The following UBASH3A variants were observed in gnomAD, a reference collection of about 807,000 sequenced individuals.
The protein encoded by UBASH3A is ubiquitin associated and SH3 domain containing A.
Under a neutral mutation model 73.5 loss-of-function variants are expected in UBASH3A, and 63 were observed. The observed-to-expected ratio is 0.86, with a 90% CI of 0.70 to 1.06. UBASH3A has a LOEUF of 1.06. UBASH3A is among the 50% of genes least tolerant of loss of function. The pLI, the probability that UBASH3A is intolerant of heterozygous loss-of-function variation, is 0.00. For missense variants in UBASH3A, 860 were observed against 859.0 expected (o/e 1.00, Z -0.02); for synonymous variants, 363 against 351.1 (o/e 1.03, Z -0.38).
chr21:42,412,229 G>A (rs1280805963), intron 3 of UBASH3A, among the ~76,000 whole-genome samples: 1 of 152,166 alleles, frequency 6.6e-6, no homozygotes. Flanking sequence ...GGGGGTGGGA[G>A]CCCCGTGGGC....
chr21:42,436,554 G>A (rs994713986), intron 10 of UBASH3A, among the ~76,000 whole-genome samples: 1 of 152,186 alleles, frequency 6.6e-6, no homozygotes, highest in East Asian at 1.9e-4. Flanking sequence ...TGATTGAGGT[G>A]CATACCCTTA....
rs1309607099 is a variant in UBASH3A at position 42,413,839 on chromosome 21, C to T, written c.667+316C>T. 1.3e-5 allele frequency among the ~76,000 whole-genome samples: 2 copies of T among 152,158 alleles called. No individual in the cohort carries two copies. Among genetic ancestry groups the T allele is most frequent in the Admixed American group, 6.5e-5 (1 of 15,276 alleles). ...TCTCCAGGGAAAGATTATTTAGACT[C>T]ATATTCAGAATCATCAAAATTCCCT... On this transcript the variant is annotated intron_variant, in intron 5 of 14. Transcript: ENST00000319294. This position sits in a 1 kb window ranked among gnomAD's most constrained non-coding sequence, Gnocchi z 4.5.
Position 42,409,470 on chromosome 21 carries a change from G to A in UBASH3A, c.216G>A (p.Gln72=), listed in dbSNP as rs927964545. 2 of 1,613,772 alleles carry A rather than the reference G, an allele frequency of 1.2e-6. No homozygotes were observed. Among genetic ancestry groups the A allele is most frequent in the African/African-American group, 2.7e-5 (2 of 74,890 alleles). The change falls in exon 3 of 15, where the codon CAG becomes CAA. Residue 72 remains glutamine, a synonymous_variant. Transcript: ENST00000319294. ...NDPSLDDPIP[Q]EYALFLCPTG... ...CTTCCCTAGACGACCCCATCCCCCA[G>A]GAGTATGCCCTTTTCCTCTGTCCAA... is the stretch of plus-strand genomic sequence containing the variant.
At chr21:42,437,388 C>A (rs1601597828) in intron 10 of UBASH3A, 100 bp from the exon 11 acceptor site, 3 of 1,071,722 alleles carry the variant, frequency 2.8e-6, no homozygotes, top group Non-Finnish European at 4.3e-6. Flanking sequence ...AACCCGGGGC[C>A]CTTTGAGGAC....
chr21:42,408,227 A>C (rs2053018610), intron 2 of UBASH3A, among the ~76,000 whole-genome samples: 1 of 152,252 alleles, frequency 6.6e-6, no homozygotes, highest in Non-Finnish European at 1.5e-5. Context: ...TAGTGATTGA[A>C]TACTACTTTC....
chr21:42,424,554 C>T (rs1249221517), intron 7 of UBASH3A, among the ~76,000 whole-genome samples: 1 of 152,156 alleles, frequency 6.6e-6, no homozygotes, highest in East Asian at 1.9e-4. Context: ...CCCTGTGGGA[C>T]AAACAACAGG....
Position 42,442,520 on chromosome 21 carries a change from G to T in UBASH3A, c.1555G>T (p.Ala519Ser). The change falls in exon 12 of 15, where the codon GCT becomes TCT. Residue 519 changes from alanine to serine, a missense_variant. Transcript: ENST00000319294. ...AATCTTTGAATGGACAAAATGGGAA[G>T]CTGGCAAAACCACCCCAACCCTCAT... is the stretch of plus-strand genomic sequence containing the variant. ...PGIFEWTKWE[A>S]GKTTPTLMSL... 6.2e-7 allele frequency: 1 copy of T among 1,614,156 alleles called. No individual in the cohort carries two copies. Among genetic ancestry groups the T allele is most frequent in the Non-Finnish European group, 8.5e-7 (1 of 1,180,016 alleles).
chr21:42,417,048 C>G (rs1279597530), intron 6 of UBASH3A, among the ~76,000 whole-genome samples: 1 of 152,212 alleles, frequency 6.6e-6, no homozygotes, highest in African/African-American at 2.4e-5. Flanking sequence ...AAGCCATTCT[C>G]TTTCTTGTGC....
chr21:42,406,055 C>T lies in UBASH3A; in HGVS notation c.114-253C>T, dbSNP rs377131532. Reference sequence around the variant, plus strand: ...GAGGTCAGGTCCTCAGCCCTGAGACCCCGTGCCAAGGGCTGAAGCGGGTAG... The same window carrying T: ...GAGGTCAGGTCCTCAGCCCTGAGACTCCGTGCCAAGGGCTGAAGCGGGTAG... On this transcript the variant is annotated intron_variant, in intron 1 of 14. Coordinates refer to ENST00000319294, the MANE Select transcript of UBASH3A (RefSeq NM_018961.4). Among the ~76,000 whole-genome samples the T allele has an allele frequency of 2.6e-5, 4 of 151,568 alleles. 1 individual carries two copies. The highest frequency in any genetic ancestry group is 3.9e-4 in the East Asian group (2 of 5,106).
intron 14 of UBASH3A, 149 bp from the exon 15 acceptor site, chr21:42,446,908 T>G: frequency 1.9e-5 from 15 of 800,432 alleles, no homozygotes; most frequent in East Asian, 2.7e-5. Context: ...CCAGGGCAGA[T>G]GTTGGTGCCA....
intron 13 of UBASH3A, among the ~76,000 whole-genome samples, 186 bp downstream of exon 13, chr21:42,443,604 A>T (rs2053791845): frequency 6.6e-6 from 1 of 151,296 alleles, no homozygotes; most frequent in Non-Finnish European, 1.5e-5. Flanking sequence ...GTGCACAGAC[A>T]CACACTCCCC....
At chr21:42,433,272 T>C (rs1033551128) in intron 9 of UBASH3A, among the ~76,000 whole-genome samples, 2 of 152,190 alleles carry the variant, frequency 1.3e-5, no homozygotes, top group Non-Finnish European at 2.9e-5. Flanking sequence ...CTGAATTTTG[T>C]ATATTGCAGG....
chr21:42,433,729 A>G (rs1450904091), intron 9 of UBASH3A, among the ~76,000 whole-genome samples: 3 of 152,178 alleles, frequency 2.0e-5, no homozygotes, highest in African/African-American at 7.2e-5. Flanking sequence ...GTCTCTGCCC[A>G]TGGAAATCCC....
chr21:42,444,462 T>G, intron 13 of UBASH3A, 72 bp from the exon 14 acceptor site: 1 of 1,173,998 alleles, frequency 8.5e-7, no homozygotes, highest in South Asian at 1.2e-5. Context: ...CCCCACCACT[T>G]TGGGGACCCC....
In UBASH3A at chr21:42,432,117, G is replaced by T; in HGVS notation, c.1185G>T (p.Arg395Ser). The T allele has an allele frequency of 6.2e-7, 1 of 1,613,148 alleles. No individual in the cohort carries two copies. Among genetic ancestry groups the T allele is most frequent in the Non-Finnish European group, 8.5e-7 (1 of 1,179,378 alleles). Residue 395 changes from arginine (R) to serine (S), a missense_variant, in exon 9 of 15, where the codon AGG becomes AGT. Coordinates refer to ENST00000319294, the MANE Select transcript of UBASH3A (RefSeq NM_018961.4). ...CCACCCCCCAGGCTACCGTTGCAAG[G>T]AAGAGCGTGCTGGTGGTTCGCCACG... ...SLQALQATVARKSVLVVRHGE... is the reference protein window; with the variant it reads ...SLQALQATVASKSVLVVRHGE...
chr21:42,425,807 G>A (rs2053425045), intron 7 of UBASH3A, among the ~76,000 whole-genome samples: 1 of 152,100 alleles, frequency 6.6e-6, no homozygotes, highest in African/African-American at 2.4e-5. Context: ...AGACCTCTAT[G>A]GGAGAAATGC....
chr21:42,423,527 G>A (rs1386691016), intron 7 of UBASH3A, among the ~76,000 whole-genome samples: 1 of 152,216 alleles, frequency 6.6e-6, no homozygotes, highest in African/African-American at 2.4e-5. Flanking sequence ...ATTTCAGGAG[G>A]GTTGGGGCTC....
intron 12 of UBASH3A, 178 bp from the exon 13 acceptor site, chr21:42,443,134 G>A: frequency 1.4e-6 from 2 of 1,395,296 alleles, no homozygotes; most frequent in South Asian, 1.7e-5. Flanking sequence ...GCTGGAGATT[G>A]ACTGTCAGTG....
chr21:42,420,334 G>A (rs1429896527), intron 7 of UBASH3A, among the ~76,000 whole-genome samples: 1 of 152,056 alleles, frequency 6.6e-6, no homozygotes, highest in Non-Finnish European at 1.5e-5. Context: ...GCAAATAGTT[G>A]TTATACGGTA....
Sources: gnomAD v4.1 joint callset for allele counts (sites outside exome capture counted in the v4.1 genomes callset) on GRCh38, gnomAD v4.1.1 for gene constraint, Gnocchi (gnomAD v3.1) non-coding constraint, MANE v1.5 for transcripts, NCBI Gene and HGNC (gene_info 2026-07-23, HGNC 2026-07-21) for gene names.